GRIN2B: variants seen among roughly 807,000 people sequenced by gnomAD.
The protein encoded by GRIN2B is glutamate ionotropic receptor NMDA type subunit 2B.
A neutral mutation model predicts 114.5 loss-of-function variants in GRIN2B; 5 were observed. The ratio of observed to expected loss-of-function variants is 0.04; its 90% confidence interval spans 0.02 to 0.09. The LOEUF (loss-of-function observed/expected upper bound fraction) is 0.09. GRIN2B is among the 10% of genes least tolerant of loss of function. GRIN2B has a pLI of 1.00. For synonymous variants in GRIN2B, 787 were observed against 745.1 expected (o/e 1.06, Z -0.92); for missense variants, 1,108 against 1,943.5 (o/e 0.57, Z 8.08).
intron 2 of GRIN2B, among the ~76,000 whole-genome samples, chr12:13,935,137 G>A (rs913030537): frequency 6.6e-6 from 1 of 152,200 alleles, no homozygotes; most frequent in African/African-American, 2.4e-5. Context: ...GGAAACGTAA[G>A]ATTAACTTAG....
At position 13,547,981 on chromosome 12, in the gene GRIN2B, A is replaced by ATATATATATATATTTTTTTTTTT; in HGVS notation, c.*14801_*14802insAAAAAAAAAAATATATATATATA. ...TGTGTATATATATATATATATATATATTTTTTTTTTTTTTCTGAAAGCTAC... is the reference window on the plus strand; with the variant it reads ...TGTGTATATATATATATATATATATATATATATATATATTTTTTTTTTTTTTTTTTTTTTTTTCTGAAAGCTAC... On this transcript the variant is annotated 3_prime_UTR_variant, in exon 14 of 14. Coordinates refer to ENST00000609686, the MANE Select transcript of GRIN2B (RefSeq NM_000834.5). 29 of 68,582 alleles carry ATATATATATATATTTTTTTTTTT rather than the reference A, an allele frequency of 4.2e-4. 1 individual carries two copies. Among genetic ancestry groups the ATATATATATATATTTTTTTTTTT allele is most frequent in the East Asian group, 1.1e-3 (2 of 1,740 alleles). The allele number at this position is 68,582 out of a possible 1,614,324, so 4.2% of individuals were successfully genotyped here. A position where few individuals can be genotyped will look rare whatever the true frequency, so the allele number is the denominator to read the frequency against.
intron 10 of GRIN2B, among the ~76,000 whole-genome samples, chr12:13,608,262 G>A (rs948238876): frequency 5.9e-5 from 9 of 152,106 alleles, no homozygotes; most frequent in African/African-American, 2.2e-4. Flanking sequence ...ACACGGCGGC[G>A]GTCCTCTAAT....
chr12:13,772,887 A>G (rs894410950), intron 3 of GRIN2B, among the ~76,000 whole-genome samples: 2 of 152,194 alleles, frequency 1.3e-5, no homozygotes, highest in Admixed American at 6.5e-5. Flanking sequence ...GCTCTATAGC[A>G]AATGTATTCT....
intron 2 of GRIN2B, among the ~76,000 whole-genome samples, chr12:13,866,715 G>T (rs1182440298): frequency 6.6e-6 from 1 of 152,162 alleles, no homozygotes; most frequent in Non-Finnish European, 1.5e-5. Flanking sequence ...CATTCTTGCT[G>T]CCTTCACCTT....
At chr12:13,603,966 C>T (rs1949202071) in intron 10 of GRIN2B, among the ~76,000 whole-genome samples, 1 of 152,034 alleles carries the variant, frequency 6.6e-6, no homozygotes, top group Admixed American at 6.5e-5. Flanking sequence ...ATCCAAATAG[C>T]ATACACAGAG....
At chr12:13,677,752 C>T (rs1324589944) in intron 4 of GRIN2B, among the ~76,000 whole-genome samples, 1 of 151,970 alleles carries the variant, frequency 6.6e-6, no homozygotes, top group Non-Finnish European at 1.5e-5. Flanking sequence ...AACCTCCTCC[C>T]CTGCAACCCT....
chr12:13,928,449 G>A (rs1022122125), intron 2 of GRIN2B, among the ~76,000 whole-genome samples: 1 of 152,148 alleles, frequency 6.6e-6, no homozygotes, highest in Non-Finnish European at 1.5e-5. Context: ...ATTTAAAGGA[G>A]ATAATATGGT....
At position 13,865,903 on chromosome 12, in the gene GRIN2B, G is replaced by A. The variant is rs369191499; in HGVS notation, c.306C>T (p.Asp102=). 2 of 1,613,858 alleles carry A rather than the reference G, an allele frequency of 1.2e-6. No homozygotes were observed. Among genetic ancestry groups the A allele is most frequent in the African/African-American group, 2.7e-5 (2 of 74,904 alleles). ...TCTGGGCGATGGCTTCCTGGTCTGT[G>A]TCATCAGCAAACACCACCCCCTGGA... The part of the protein sequence containing the change: ...RKIQGVVFAD[D]TDQEAIAQIL... The change falls in exon 3 of 14, where the codon GAC becomes GAT. Residue 102 remains aspartate (D), a synonymous_variant. Coordinates refer to ENST00000609686, the MANE Select transcript of GRIN2B (RefSeq NM_000834.5).
intron 2 of GRIN2B, among the ~76,000 whole-genome samples, chr12:13,951,212 T>C (rs146435743): frequency 1.3e-5 from 2 of 152,296 alleles, no homozygotes; most frequent in African/African-American, 4.8e-5. Flanking sequence ...AATTCAAATT[T>C]AATTGAGTGT....
At chr12:13,712,251 G>C (rs979663853) in intron 4 of GRIN2B, among the ~76,000 whole-genome samples, 8 of 151,646 alleles carry the variant, frequency 5.3e-5, no homozygotes, top group Non-Finnish European at 8.8e-5. Flanking sequence ...AAGGGGGAGG[G>C]ATAGCATTAG....
chr12:13,599,553 T>G (rs1174409289), intron 10 of GRIN2B, among the ~76,000 whole-genome samples: 1 of 152,226 alleles, frequency 6.6e-6, no homozygotes, highest in African/African-American at 2.4e-5. Flanking sequence ...TAATTCTTAA[T>G]AAATTCTCAA....
intron 4 of GRIN2B, among the ~76,000 whole-genome samples, chr12:13,694,066 G>T (rs1013337321): frequency 2.6e-5 from 4 of 151,940 alleles, no homozygotes; most frequent in Admixed American, 2.6e-4. Context: ...AGGTCTTAAG[G>T]TGCAATAAAC....
intron 3 of GRIN2B, among the ~76,000 whole-genome samples, chr12:13,841,469 G>C: frequency 6.6e-6 from 1 of 152,152 alleles, no homozygotes; most frequent in East Asian, 1.9e-4. Context: ...AACCTCATCA[G>C]TCTGTCACTG....
chr12:13,959,769 C>CTTTTTTT (rs3082919), intron 2 of GRIN2B, among the ~76,000 whole-genome samples: 2 of 132,450 alleles, frequency 1.5e-5, no homozygotes, highest in African/African-American at 2.8e-5. Context: ...TTTTCTTTTT[C>CTTTTTTT]TTTTTTTTTT....
intron 4 of GRIN2B, among the ~76,000 whole-genome samples, chr12:13,734,696 T>G (rs1222566123): frequency 6.6e-6 from 1 of 152,228 alleles, no homozygotes; most frequent in Non-Finnish European, 1.5e-5. Context: ...TAATGTGAAC[T>G]GTTTGCACAT....
At chr12:13,614,839 A>G (rs1949415222) in intron 8 of GRIN2B, among the ~76,000 whole-genome samples, 1 of 152,226 alleles carries the variant, frequency 6.6e-6, no homozygotes, top group African/African-American at 2.4e-5. Context: ...CATGCTGACT[A>G]AATGGCAGGA....
intron 4 of GRIN2B, among the ~76,000 whole-genome samples, chr12:13,719,585 T>C (rs1382241354): frequency 1.3e-5 from 2 of 152,076 alleles, no homozygotes; most frequent in African/African-American, 4.8e-5. Context: ...CAGTACAATG[T>C]GCAGGGATTC....
intron 4 of GRIN2B, among the ~76,000 whole-genome samples, chr12:13,678,878 TAC>T (rs758120683): frequency 5.4e-4 from 82 of 152,280 alleles, no homozygotes; most frequent in Non-Finnish European, 3.5e-4. Context: ...GTATTCTTAC[TAC>T]AAAGACCCTG....
intron 4 of GRIN2B, among the ~76,000 whole-genome samples, chr12:13,703,997 G>C (rs1409806930): frequency 6.6e-6 from 1 of 152,208 alleles, no homozygotes; most frequent in Non-Finnish European, 1.5e-5. Context: ...GCTAGGATAA[G>C]GCTATGGCTG....
Sources: gnomAD v4.1 joint callset for allele counts (sites outside exome capture counted in the v4.1 genomes callset) on GRCh38, gnomAD v4.1.1 for gene constraint, MANE v1.5 for transcripts, NCBI Gene and HGNC (gene_info 2026-07-23, HGNC 2026-07-21) for gene names.